Variants in HS6ST3 observed in about 807,000 individuals in gnomAD.
The protein encoded by HS6ST3 is heparan-sulfate 6-O-sulfotransferase 3.
A neutral mutation model predicts 36.7 loss-of-function variants in HS6ST3; 12 were observed. The ratio of observed to expected loss-of-function variants is 0.33; its 90% CI spans 0.21 to 0.53. The LOEUF (loss-of-function observed/expected upper bound fraction) is 0.53. Among genes scored for constraint, HS6ST3 ranks in the 20% least tolerant of loss-of-function variants. The probability of loss-of-function intolerance (pLI) is 0.95; values close to 1 mark genes in which losing one functional copy is unlikely to be tolerated. For synonymous variants in HS6ST3, 240 were observed against 257.5 expected (o/e 0.93, Z 0.65); for missense variants, 584 against 640.9 (o/e 0.91, Z 0.96).
At chr13:96,779,937 G>T (rs1378766383) in intron 1 of HS6ST3, among the ~76,000 whole-genome samples, 1 of 152,148 alleles carries the variant, frequency 6.6e-6, no homozygotes, top group African/African-American at 2.4e-5. Context: ...GGAATGTATT[G>T]CTGAATGGCA....
intron 1 of HS6ST3, among the ~76,000 whole-genome samples, chr13:96,514,113 A>G (rs1027178222): frequency 2.0e-5 from 3 of 152,082 alleles, no homozygotes; most frequent in Non-Finnish European, 2.9e-5. Flanking sequence ...GATTTTTCAA[A>G]TGGTCGCTGT....
chr13:96,331,644 G>A lies in HS6ST3; in HGVS notation c.707+240075G>A, dbSNP rs1224987824. Among the ~76,000 whole-genome samples, 6 of 152,258 alleles carry A rather than the reference G, an allele frequency of 3.9e-5. No individual in the cohort carries two copies. In the East Asian group the frequency reaches 1.2e-3, roughly 29 times the overall value. ...TACTGCTGTCTTTTTGTTTTTCTGTGCCCTGCCCCCAGAGGTGGAGCCTAC... is the reference window on the plus strand; with the variant it reads ...TACTGCTGTCTTTTTGTTTTTCTGTACCCTGCCCCCAGAGGTGGAGCCTAC... On this transcript the variant is annotated intron_variant, in intron 1 of 1. Transcript: ENST00000376705.
chr13:96,340,624 C>T (rs927449296), intron 1 of HS6ST3, among the ~76,000 whole-genome samples: 1 of 152,222 alleles, frequency 6.6e-6, no homozygotes, highest in African/African-American at 2.4e-5. Context: ...GAGGGACCTG[C>T]TCAGGTTTCC....
intron 1 of HS6ST3, among the ~76,000 whole-genome samples, chr13:96,223,325 C>T (rs1216062472): frequency 1.3e-5 from 2 of 152,140 alleles, no homozygotes; most frequent in Non-Finnish European, 2.9e-5. Flanking sequence ...ATGAGGTGGC[C>T]TCATATGTAG....
chr13:96,371,040 C>T (rs1016945603), intron 1 of HS6ST3, among the ~76,000 whole-genome samples: 13 of 152,242 alleles, frequency 8.5e-5, no homozygotes, highest in East Asian at 5.8e-4. Flanking sequence ...AGCTGTTTTT[C>T]ACTTGAAATT....
At chr13:96,736,037 G>A (rs537371406) in intron 1 of HS6ST3, among the ~76,000 whole-genome samples, 1 of 152,198 alleles carries the variant, frequency 6.6e-6, no homozygotes, top group African/African-American at 2.4e-5. Context: ...TCAACACACA[G>A]AGGGGAACAG....
chr13:96,800,062 C>T lies in HS6ST3; in HGVS notation c.708-32428C>T, dbSNP rs556976911. Among the ~76,000 whole-genome samples the T allele has an allele frequency of 1.3e-3, 182 of 142,508 alleles. 3 individuals carry two copies. Among genetic ancestry groups the T allele is most frequent in the African/African-American group, 4.3e-3 (169 of 38,874 alleles). 93.5% of individuals were successfully genotyped at this position (142,508 alleles called of 152,430 possible). A position where few individuals can be genotyped will look rare whatever the true frequency, so the allele number is the denominator to read the frequency against. On this transcript the variant is annotated intron_variant, in intron 1 of 1. Transcript: ENST00000376705. Reference sequence around the variant, plus strand: ...AAAGAGAATAGTTCAGAATTACAGCCGCCTAGTAGAGATCCACAAATAATA... The same window carrying T: ...AAAGAGAATAGTTCAGAATTACAGCTGCCTAGTAGAGATCCACAAATAATA...
At chr13:96,642,834 A>T (rs954830411) in intron 1 of HS6ST3, among the ~76,000 whole-genome samples, 4 of 151,926 alleles carry the variant, frequency 2.6e-5, no homozygotes, top group Admixed American at 6.6e-5. Flanking sequence ...GTTTTCTTAA[A>T]TTCTTTAAAT....
At chr13:96,417,875 C>T (rs1186771215) in intron 1 of HS6ST3, among the ~76,000 whole-genome samples, 1 of 151,788 alleles carries the variant, frequency 6.6e-6, no homozygotes, top group Non-Finnish European at 1.5e-5. Flanking sequence ...TCCTGCAAGC[C>T]TCCAGTCACA....
chr13:96,827,368 A>G (rs953603056), intron 1 of HS6ST3, among the ~76,000 whole-genome samples: 3 of 152,212 alleles, frequency 2.0e-5, no homozygotes, highest in African/African-American at 7.2e-5. Flanking sequence ...ATATACAAAG[A>G]AGTGATACTG....
chr13:96,563,890 T>G (rs1175616375), intron 1 of HS6ST3, among the ~76,000 whole-genome samples: 13 of 152,178 alleles, frequency 8.5e-5, no homozygotes, highest in Admixed American at 8.5e-4. Flanking sequence ...GCTCATGCCA[T>G]ATGGTTACGG....
intron 1 of HS6ST3, among the ~76,000 whole-genome samples, chr13:96,173,565 C>G (rs187186956): frequency 1.3e-5 from 2 of 148,502 alleles, no homozygotes; most frequent in Non-Finnish European, 3.0e-5. Flanking sequence ...ATCGAATACT[C>G]AAGCAAACAT....
intron 1 of HS6ST3, among the ~76,000 whole-genome samples, chr13:96,561,104 G>C (rs946234973): frequency 6.6e-6 from 1 of 152,026 alleles, no homozygotes; most frequent in South Asian, 2.1e-4. Flanking sequence ...CAAAGCCAGA[G>C]GCATCACATT....
At chr13:96,504,429 G>A (rs1174840938) in intron 1 of HS6ST3, among the ~76,000 whole-genome samples, 3 of 152,138 alleles carry the variant, frequency 2.0e-5, no homozygotes, top group African/African-American at 4.8e-5. Flanking sequence ...CTGAACAGGT[G>A]TTAGCAACTG....
intron 1 of HS6ST3, among the ~76,000 whole-genome samples, chr13:96,403,193 A>T (rs1478412869): frequency 6.6e-6 from 1 of 152,104 alleles, no homozygotes; most frequent in Non-Finnish European, 1.5e-5. Context: ...TTTGTTTGTG[A>T]AGTGTCGGTT....
intron 1 of HS6ST3, among the ~76,000 whole-genome samples, chr13:96,224,779 A>G (rs150399938): frequency 8.8e-4 from 134 of 152,342 alleles, no homozygotes; most frequent in African/African-American, 3.1e-3. Context: ...TAATTGTTTC[A>G]TGATGCTGTA....
intron 1 of HS6ST3, among the ~76,000 whole-genome samples, chr13:96,340,975 A>G (rs2055127321): frequency 6.6e-6 from 1 of 152,222 alleles, no homozygotes; most frequent in Non-Finnish European, 1.5e-5. Context: ...GTACATGGAA[A>G]AATCAAGCAT....
At chr13:96,486,775 G>T (rs976622788) in intron 1 of HS6ST3, among the ~76,000 whole-genome samples, 1 of 152,062 alleles carries the variant, frequency 6.6e-6, no homozygotes, top group Non-Finnish European at 1.5e-5. Flanking sequence ...GGTATAGCAC[G>T]ATTAATATCA....
intron 1 of HS6ST3, among the ~76,000 whole-genome samples, chr13:96,209,497 A>T (rs2139356539): frequency 6.6e-6 from 1 of 152,342 alleles, no homozygotes; most frequent in South Asian, 2.1e-4. Context: ...ACAAGGAGTC[A>T]TGAGAATAGG....
Sources: gnomAD v4.1 joint callset for allele counts (sites outside exome capture counted in the v4.1 genomes callset) on GRCh38, gnomAD v4.1.1 for gene constraint, MANE v1.5 for transcripts, NCBI Gene and HGNC (gene_info 2026-07-23, HGNC 2026-07-21) for gene names.